OR51B5: variants seen among roughly 807,000 people sequenced by gnomAD.
The protein encoded by OR51B5 is olfactory receptor family 51 subfamily B member 5.
For missense variants in OR51B5, 456 were observed against 374.6 expected (o/e 1.22, Z -1.79); for synonymous variants, 186 against 144.8 (o/e 1.28, Z -2.04).
chr11:5,374,527 C>T (rs1564791465), intron 1 of OR51B5, among the ~76,000 whole-genome samples: 1 of 152,088 alleles, frequency 6.6e-6, no homozygotes, highest in Admixed American at 6.6e-5. Context: ...GACGATGAAA[C>T]TACTCCGAGC....
chr11:5,460,523 T>C (rs1212611037), intron 1 of OR51B5, among the ~76,000 whole-genome samples: 1 of 152,234 alleles, frequency 6.6e-6, no homozygotes, highest in Non-Finnish European at 1.5e-5. Flanking sequence ...GTTTCAACCT[T>C]CTTCAGTATC....
At chr11:5,465,104 G>A (rs1590012369) in intron 1 of OR51B5, among the ~76,000 whole-genome samples, 1 of 148,360 alleles carries the variant, frequency 6.7e-6, no homozygotes, top group Non-Finnish European at 1.5e-5. Context: ...TACTTGGGAG[G>A]CTGAGGCAGG....
intron 1 of OR51B5, among the ~76,000 whole-genome samples, chr11:5,502,800 G>A (rs1846315271): frequency 6.6e-6 from 1 of 152,174 alleles, no homozygotes; most frequent in Non-Finnish European, 1.5e-5. Flanking sequence ...AAAGGCTATA[G>A]AACAGTGCCT....
chr11:5,418,457 CAAAA>C (rs1004141413), intron 1 of OR51B5, among the ~76,000 whole-genome samples: 1 of 151,336 alleles, frequency 6.6e-6, no homozygotes, highest in African/African-American at 2.4e-5. Context: ...AACAAACAAA[CAAAA>C]AAAGCACCGA....
Position 5,469,964 on chromosome 11 carries a change from A to C in OR51B5, n.84+35605T>G, listed in dbSNP as rs564012950. Among the ~76,000 whole-genome samples, 179 of 152,166 alleles carry C rather than the reference A, an allele frequency of 1.2e-3. 2 individuals carry two copies. The highest frequency in any genetic ancestry group is 4.0e-3 in the African/African-American group (168 of 41,514). On this transcript the variant is annotated intron_variant and non_coding_transcript_variant, in intron 1 of 4. Coordinates refer to the OR51B5 transcript ENST00000415970. ...TTCTCTGCCTTTTCCTTGTGGCTTG[A>C]ACCCCTCACTTATTCACCAAGGGTC...
rs117470173 is a variant in OR51B5, at chr11:5,366,170, G to A, written n.85-19260C>T. On this transcript the variant is annotated intron_variant and non_coding_transcript_variant, in intron 1 of 4. Coordinates refer to the OR51B5 transcript ENST00000415970. ...AGAAACAGTATGTGAAGAGGATAGA[G>A]CAAGCCTTAAGTAGGAAGTTAAGGA... Among the ~76,000 whole-genome samples the A allele has an allele frequency of 3.9e-3, 597 of 152,270 alleles. 2 individuals carry two copies. The highest frequency in any genetic ancestry group is 0.01 in the African/African-American group (427 of 41,554).
chr11:5,483,431 G>A (rs1430711681), intron 1 of OR51B5, among the ~76,000 whole-genome samples: 3 of 144,688 alleles, frequency 2.1e-5, no homozygotes, highest in Admixed American at 6.9e-5. Context: ...TGGGTGCAGC[G>A]CACCAGCATG....
At chr11:5,404,309 T>C (rs933714293) in intron 1 of OR51B5, among the ~76,000 whole-genome samples, 4 of 152,156 alleles carry the variant, frequency 2.6e-5, no homozygotes, top group African/African-American at 7.2e-5. Flanking sequence ...GGGTGGGGAC[T>C]TGGAGAACTT....
At chr11:5,341,513 T>C (rs1469833960), downstream of OR51B5, among the ~76,000 whole-genome samples, 1 of 152,226 alleles carries the variant, frequency 6.6e-6, no homozygotes, top group Non-Finnish European at 1.5e-5. Flanking sequence ...TTGCTCTGAT[T>C]AAAGTATAAT....
At chr11:5,477,965 G>C (rs4363635) in intron 1 of OR51B5, among the ~76,000 whole-genome samples, 10,141 of 151,898 alleles carry the variant, frequency 0.067, 702 homozygotes, top group East Asian at 0.36. Flanking sequence ...GGCTTGCTTA[G>C]GTAAACAAAG....
intron 1 of OR51B5, chr11:5,389,613 A>G: frequency 6.2e-7 from 1 of 1,613,822 alleles, no homozygotes; most frequent in South Asian, 1.1e-5. Flanking sequence ...ACACCCATGT[A>G]CTATCTACTA....
chr11:5,374,399 A>C (rs751085869), intron 1 of OR51B5, among the ~76,000 whole-genome samples: 2 of 152,152 alleles, frequency 1.3e-5, no homozygotes, highest in Non-Finnish European at 2.9e-5. Flanking sequence ...GAGCAGAAAA[A>C]CTGGAAACTC....
At position 5,351,363 on chromosome 11, in the gene OR51B5, G is replaced by T. The variant is rs930332375; in HGVS notation, n.85-4453C>A. On this transcript the variant is annotated intron_variant and non_coding_transcript_variant, in intron 1 of 4. Coordinates refer to the OR51B5 transcript ENST00000415970. ...CCCATACCTAGGATCTCCCAGGAAT[G>T]ACTAAATTATCATCCTTGCTGTCAC... 12 of 628,218 alleles carry T rather than the reference G, an allele frequency of 1.9e-5. No individual in the cohort carries two copies. In the East Asian group the frequency reaches 3.0e-4, roughly 16 times the overall value. 38.9% of individuals were successfully genotyped at this position (628,218 alleles called of 1,614,324 possible).
At chr11:5,385,583 T>C (rs1417973780) in intron 1 of OR51B5, 2 of 152,172 alleles carry the variant, frequency 1.3e-5, no homozygotes, top group Non-Finnish European at 1.5e-5. Context: ...TCTAATCAAC[T>C]TAAAAAATGA....
upstream of OR51B5, among the ~76,000 whole-genome samples, chr11:5,348,072 A>G (rs886791794): frequency 1.3e-5 from 2 of 152,084 alleles, no homozygotes; most frequent in African/African-American, 4.8e-5. Context: ...GAGAGATCGA[A>G]GCTGATTTCT....
In OR51B5 at chr11:5,489,188, C is replaced by T. The variant is rs777471842; in HGVS notation, n.84+16381G>A. ...TTCCGTAGTGTGGCTATTGTCTCCC[C>T]CTTCATCTTCTTGCTGAGGCGACTC... On this transcript the variant is annotated intron_variant and non_coding_transcript_variant, in intron 1 of 4. Coordinates refer to the OR51B5 transcript ENST00000415970. The T allele has an allele frequency of 1.3e-5, 21 of 1,612,202 alleles. No homozygotes were observed. The highest frequency in any genetic ancestry group is 1.7e-5 in the Non-Finnish European group (20 of 1,179,888).
intron 1 of OR51B5, among the ~76,000 whole-genome samples, chr11:5,417,610 G>T (rs543733381): frequency 6.6e-6 from 1 of 151,254 alleles, no homozygotes; most frequent in African/African-American, 2.4e-5. Context: ...AAAAGTGGGC[G>T]AAGGACATGA....
chr11:5,402,531 A>G, intron 1 of OR51B5: 1 of 396,522 alleles, frequency 2.5e-6, no homozygotes, highest in South Asian at 2.0e-5. Context: ...CTTCATAATG[A>G]TGTCATCTCA....
At chr11:5,436,540 A>C (rs1589995122) in intron 1 of OR51B5, among the ~76,000 whole-genome samples, 1 of 152,306 alleles carries the variant, frequency 6.6e-6, no homozygotes, top group South Asian at 2.1e-4. Flanking sequence ...CTGTGTGATC[A>C]CCCATGTGTC....
Sources: gnomAD v4.1 joint callset for allele counts (sites outside exome capture counted in the v4.1 genomes callset) on GRCh38, gnomAD v4.1.1 for gene constraint, MANE v1.5 for transcripts, NCBI Gene and HGNC (gene_info 2026-07-23, HGNC 2026-07-21) for gene names.